LARP1B: variants seen among roughly 807,000 people sequenced by gnomAD.
LARP1B encodes the protein La ribonucleoprotein 1B.
Under a neutral mutation model 114.2 loss-of-function variants are expected in LARP1B, and 76 were observed. The ratio of observed to expected loss-of-function variants is 0.67; its 90% CI spans 0.55 to 0.81. The LOEUF (loss-of-function observed/expected upper bound fraction) is 0.81. Among genes scored for constraint, LARP1B ranks in the 30% least tolerant of loss-of-function variants. The pLI is 0.00. For missense variants in LARP1B, 1,014 were observed against 1,075.8 expected (o/e 0.94, Z 0.80); for synonymous variants, 345 against 348.0 (o/e 0.99, Z 0.10).
chr4:128,216,933 A>G (rs1578842804), downstream of LARP1B, among the ~76,000 whole-genome samples: 1 of 152,152 alleles, frequency 6.6e-6, no homozygotes, highest in Non-Finnish European at 1.5e-5. Flanking sequence ...AGAATCAAAT[A>G]GACACAATAA....
At chr4:128,186,314 C>T (rs1411767316) in intron 15 of LARP1B, among the ~76,000 whole-genome samples, 2 of 151,942 alleles carry the variant, frequency 1.3e-5, no homozygotes, top group Non-Finnish European at 2.9e-5. Flanking sequence ...GCTATCATTC[C>T]CTTTCTTTCG....
intron 11 of LARP1B, among the ~76,000 whole-genome samples, chr4:128,143,264 C>T (rs1004050939): frequency 2.6e-5 from 4 of 152,116 alleles, no homozygotes; most frequent in Admixed American, 6.5e-5. Context: ...CGTGACAGAG[C>T]AAGACTCCGT....
Position 128,077,977 on chromosome 4 carries a change from A to G in LARP1B, c.217+15A>G. The G allele has an allele frequency of 6.7e-7, 1 of 1,489,700 alleles. No individual in the cohort carries two copies. Among genetic ancestry groups the G allele is most frequent in the Non-Finnish European group, 9.0e-7 (1 of 1,115,552 alleles). 92.3% of individuals were successfully genotyped at this position (1,489,700 alleles called of 1,614,324 possible). ...ACGTAAGAGAGGTCAGTTTGTCCATATCTTTATTTTGATTTTAGTTTTTGA... is the reference window on the plus strand; with the variant it reads ...ACGTAAGAGAGGTCAGTTTGTCCATGTCTTTATTTTGATTTTAGTTTTTGA... On this transcript the variant is annotated intron_variant, in intron 4 of 19. Coordinates refer to ENST00000326639, the MANE Select transcript of LARP1B (RefSeq NM_018078.4).
intron 17 of LARP1B, among the ~76,000 whole-genome samples, chr4:128,206,017 G>A (rs772203711): frequency 2.6e-5 from 4 of 152,106 alleles, no homozygotes; most frequent in Non-Finnish European, 5.9e-5. Context: ...CCGGCCGGGC[G>A]CAGTGACTCA....
At chr4:128,221,094 G>C (rs1219803177) in intron 7 of LARP1B, among the ~76,000 whole-genome samples, 2 of 152,056 alleles carry the variant, frequency 1.3e-5, no homozygotes, top group Non-Finnish European at 2.9e-5. Context: ...TTGATGATAG[G>C]CATCCTCTGC....
downstream of LARP1B, among the ~76,000 whole-genome samples, chr4:128,213,152 A>G (rs544075910): frequency 3.9e-5 from 6 of 152,154 alleles, no homozygotes; most frequent in Admixed American, 6.5e-5. Flanking sequence ...TACTGACCTC[A>G]GGTGATCCAC....
At chr4:128,061,087 C>T (rs1479703908), upstream of LARP1B, among the ~76,000 whole-genome samples, 1 of 152,024 alleles carries the variant, frequency 6.6e-6, no homozygotes, top group Non-Finnish European at 1.5e-5. Flanking sequence ...GCGGCCTCAG[C>T]CAGTGAGCCG....
chr4:128,182,021 C>A (rs553590451), intron 15 of LARP1B, among the ~76,000 whole-genome samples: 1 of 151,150 alleles, frequency 6.6e-6, no homozygotes, highest in Admixed American at 6.6e-5. Flanking sequence ...ACCGTGTTAG[C>A]CAGGATGGTC....
At chr4:128,188,167 C>T (rs1463898398) in intron 15 of LARP1B, among the ~76,000 whole-genome samples, 5 of 151,910 alleles carry the variant, frequency 3.3e-5, no homozygotes, top group African/African-American at 7.3e-5. Context: ...CTCCGCCTCC[C>T]GGGTTCAAGT....
rs1298492212 is a variant in LARP1B, at chr4:128,165,593, G to C, written c.1648+3276G>C. On this transcript the variant is annotated intron_variant, in intron 12 of 19. Coordinates refer to ENST00000326639, the MANE Select transcript of LARP1B (RefSeq NM_018078.4). ...TTGCTATTACGATATAGAATTTAAG[G>C]CATAAAGAAGGAGTTTATTTTCACT... 2.0e-5 allele frequency among the ~76,000 whole-genome samples: 3 copies of C among 152,060 alleles called. No individual in the cohort carries two copies. In the East Asian group the frequency reaches 5.8e-4, roughly 29 times the overall value.
At chr4:128,135,968 C>G (rs532922399) in intron 11 of LARP1B, among the ~76,000 whole-genome samples, 2 of 151,282 alleles carry the variant, frequency 1.3e-5, no homozygotes, top group South Asian at 2.1e-4. Context: ...AACTACATAC[C>G]AAATTAAAAA....
exon 8 of LARP1B, chr4:128,222,455 C>T (rs1561600637): frequency 1.4e-5 from 6 of 440,542 alleles, no homozygotes; most frequent in African/African-American, 2.0e-5. Context: ...ACACTCCAGT[C>T]GCCGCCCCAC....
chr4:128,130,298 A>G (rs1791156272), intron 11 of LARP1B, among the ~76,000 whole-genome samples: 1 of 152,222 alleles, frequency 6.6e-6, no homozygotes, highest in Non-Finnish European at 1.5e-5. Flanking sequence ...TATTAAGACT[A>G]AGAAAACAGA....
chr4:128,123,031 T>A, intron 11 of LARP1B: 8 of 985,364 alleles, frequency 8.1e-6, no homozygotes, highest in Non-Finnish European at 9.6e-6. Flanking sequence ...AGGAAACTGA[T>A]CTTGGTTGGA....
At chr4:128,203,339 C>A (rs1756592782) in intron 17 of LARP1B, among the ~76,000 whole-genome samples, 1 of 144,966 alleles carries the variant, frequency 6.9e-6, no homozygotes, top group Non-Finnish European at 1.5e-5. Flanking sequence ...CCCTCCCTCC[C>A]TCCCTCTTTT....
intron 11 of LARP1B, among the ~76,000 whole-genome samples, chr4:128,139,313 C>T (rs1726867876): frequency 1.3e-5 from 2 of 151,954 alleles, no homozygotes. Context: ...GTCCCCAAAC[C>T]AGTAACAGTC....
chr4:128,169,794 A>G (rs1455783461), intron 12 of LARP1B, among the ~76,000 whole-genome samples: 5 of 151,894 alleles, frequency 3.3e-5, no homozygotes, highest in Non-Finnish European at 7.4e-5. Flanking sequence ...GTGCCACCAC[A>G]CCTGGCTAAT....
At chr4:128,141,280 A>G (rs748598494) in intron 11 of LARP1B, among the ~76,000 whole-genome samples, 2 of 152,090 alleles carry the variant, frequency 1.3e-5, no homozygotes, top group Non-Finnish European at 2.9e-5. Context: ...CATTGGTATC[A>G]TTGGCTAGCG....
Position 128,184,806 on chromosome 4 carries a change from T to G in LARP1B, c.2003+5294T>G, listed in dbSNP as rs182493386. Among the ~76,000 whole-genome samples the G allele has an allele frequency of 2.9e-4, 44 of 152,308 alleles. 1 individual carries two copies. The highest frequency in any genetic ancestry group is 1.0e-3 in the African/African-American group (42 of 41,574). On this transcript the variant is annotated intron_variant, in intron 15 of 19. Transcript: ENST00000326639. ...TCTTATCTCTATGAGATCTACTTTTTTACCTCCCACTTATTAGTGAGAACA... is the reference window on the plus strand; with the variant it reads ...TCTTATCTCTATGAGATCTACTTTTGTACCTCCCACTTATTAGTGAGAACA...
Sources: allele counts gnomAD v4.1 joint callset (sites outside exome capture counted in the v4.1 genomes callset), GRCh38; gene constraint gnomAD v4.1.1; transcripts MANE v1.5; gene names NCBI Gene and HGNC (gene_info 2026-07-23, HGNC 2026-07-21).